Variants in PLPP4 observed in about 807,000 individuals in gnomAD.
The protein encoded by PLPP4 is diacylglycerol pyrophosphate like 2.
A neutral mutation model predicts 32.2 loss-of-function variants in PLPP4; 20 were observed. The observed-to-expected ratio is 0.62, with a 90% CI of 0.44 to 0.90. The LOEUF (loss-of-function observed/expected upper bound fraction) is 0.90. Ranked by LOEUF, PLPP4 falls within the 40% of genes least tolerant of loss-of-function variation. PLPP4 has a pLI of 0.00. For synonymous variants in PLPP4, 127 were observed against 133.0 expected (o/e 0.95, Z 0.31); for missense variants, 257 against 353.1 (o/e 0.73, Z 2.18).
chr10:120,551,116 A>G (rs1413676566), intron 5 of PLPP4, among the ~76,000 whole-genome samples: 1 of 152,204 alleles, frequency 6.6e-6, no homozygotes, highest in African/African-American at 2.4e-5. Context: ...AGGGAACTGT[A>G]TGTATGATCA....
chr10:120,503,546 T>C (rs749493323), intron 1 of PLPP4: 30 of 1,601,988 alleles, frequency 1.9e-5, no homozygotes, highest in East Asian at 6.7e-5. Context: ...CCCCAAGTCC[T>C]TGGAGTCTTT....
chr10:120,533,426 C>T (rs1846838910), intron 5 of PLPP4, among the ~76,000 whole-genome samples: 1 of 152,102 alleles, frequency 6.6e-6, no homozygotes, highest in Non-Finnish European at 1.5e-5. Flanking sequence ...AGACCATTCT[C>T]AAATATATGA....
At chr10:120,564,877 T>A (rs1172478169) in intron 5 of PLPP4, among the ~76,000 whole-genome samples, 1 of 152,164 alleles carries the variant, frequency 6.6e-6, no homozygotes, top group Non-Finnish European at 1.5e-5. Flanking sequence ...GGAGCAAATT[T>A]CTATTCTATT....
intron 1 of PLPP4, among the ~76,000 whole-genome samples, chr10:120,466,729 G>T (rs1055091465): frequency 2.0e-5 from 3 of 150,042 alleles, no homozygotes; most frequent in African/African-American, 7.3e-5. Context: ...TTTTAGAGAC[G>T]CACCTGAGCC....
intron 5 of PLPP4, among the ~76,000 whole-genome samples, chr10:120,555,093 G>GT (rs1403920444): frequency 6.6e-6 from 1 of 152,066 alleles, no homozygotes; most frequent in East Asian, 1.9e-4. Flanking sequence ...AATGTGGGGG[G>GT]TGGGGGTGGA....
At chr10:120,514,070 T>C in intron 3 of PLPP4, 69 bp downstream of exon 3, 1 of 1,161,184 alleles carries the variant, frequency 8.6e-7, no homozygotes, top group East Asian at 2.3e-5. Flanking sequence ...ATTTAAGAAA[T>C]CTCAGTTACA....
chr10:120,483,390 G>C (rs1440383387), intron 1 of PLPP4, among the ~76,000 whole-genome samples: 5 of 152,120 alleles, frequency 3.3e-5, no homozygotes, highest in African/African-American at 1.2e-4. Context: ...TATTAGTTCT[G>C]TTCCTCTAGA....
intron 5 of PLPP4, among the ~76,000 whole-genome samples, chr10:120,543,424 T>C (rs1254611665): frequency 3.9e-5 from 6 of 152,136 alleles, no homozygotes; most frequent in Non-Finnish European, 7.4e-5. Flanking sequence ...TGTGAAGCCC[T>C]TGGTGCTCAG....
chr10:120,518,660 A>G (rs867553992), intron 3 of PLPP4, among the ~76,000 whole-genome samples, 173 bp from the exon 4 acceptor site: 1 of 152,294 alleles, frequency 6.6e-6, no homozygotes, highest in South Asian at 2.1e-4. Context: ...TGGCATAATT[A>G]TATTTTGCTC....
intron 5 of PLPP4, among the ~76,000 whole-genome samples, chr10:120,574,294 C>G (rs1274745865): frequency 6.7e-6 from 1 of 150,068 alleles, no homozygotes; most frequent in Admixed American, 6.7e-5. Context: ...TTTAAAGCTT[C>G]CCAGGTATTA....
At chr10:120,505,976 T>C (rs1336919367) in intron 2 of PLPP4, among the ~76,000 whole-genome samples, 1 of 152,246 alleles carries the variant, frequency 6.6e-6, no homozygotes, top group East Asian at 1.9e-4. Context: ...GAGAAATCTG[T>C]GGCTGTGTCC....
intron 3 of PLPP4, among the ~76,000 whole-genome samples, chr10:120,515,444 T>C (rs1248516907): frequency 6.6e-6 from 1 of 152,198 alleles, no homozygotes; most frequent in Non-Finnish European, 1.5e-5. Flanking sequence ...CCTGTTCAAC[T>C]TCGGTGCCCA....
At chr10:120,564,783 T>C (rs1360281885) in intron 5 of PLPP4, among the ~76,000 whole-genome samples, 6 of 152,038 alleles carry the variant, frequency 3.9e-5, no homozygotes, top group South Asian at 2.1e-4. Flanking sequence ...TACAGAATTG[T>C]ATTCATTAAT....
chr10:120,522,324 G>A (rs1480240075), intron 5 of PLPP4, among the ~76,000 whole-genome samples: 1 of 152,090 alleles, frequency 6.6e-6, no homozygotes, highest in South Asian at 2.1e-4. Flanking sequence ...TGAAGAATAG[G>A]GCCTGTCAAC....
intron 1 of PLPP4, among the ~76,000 whole-genome samples, chr10:120,476,733 C>T (rs1015633157): frequency 1.3e-5 from 2 of 152,186 alleles, no homozygotes; most frequent in Admixed American, 1.3e-4. Context: ...CTAATCTCTC[C>T]TCCCTCAGTT....
chr10:120,475,826 G>A (rs1843876283), intron 1 of PLPP4, among the ~76,000 whole-genome samples: 1 of 152,216 alleles, frequency 6.6e-6, no homozygotes, highest in African/African-American at 2.4e-5. Context: ...GGGAATAGCT[G>A]CACTTTGGGA....
chr10:120,562,443 T>C (rs905602818), intron 5 of PLPP4, among the ~76,000 whole-genome samples: 6 of 152,182 alleles, frequency 3.9e-5, no homozygotes, highest in African/African-American at 1.4e-4. Context: ...TCTCTTGTCT[T>C]CTCTAACTAG....
intron 5 of PLPP4, among the ~76,000 whole-genome samples, chr10:120,561,047 T>G (rs556193725): frequency 3.3e-5 from 5 of 152,288 alleles, no homozygotes; most frequent in African/African-American, 9.6e-5. Flanking sequence ...TTGAGTAGAT[T>G]TCCTCTCACC....
chr10:120,477,345 A>G (rs1843982012), intron 1 of PLPP4, among the ~76,000 whole-genome samples: 1 of 150,896 alleles, frequency 6.6e-6, no homozygotes, highest in African/African-American at 2.4e-5. Flanking sequence ...GGTATGTCGA[A>G]TAATTGTAAT....
Sources: gnomAD v4.1 joint callset for allele counts (sites outside exome capture counted in the v4.1 genomes callset) on GRCh38, gnomAD v4.1.1 for gene constraint, MANE v1.5 for transcripts, NCBI Gene and HGNC (gene_info 2026-07-23, HGNC 2026-07-21) for gene names.